Variants in HTR4 observed in about 807,000 individuals in gnomAD.
HTR4 encodes the protein 5-hydroxytryptamine receptor 4.
In HTR4, 16 loss-of-function variants were observed where a neutral mutation model predicts 36.8. The observed-to-expected ratio is 0.43, with a 90% CI of 0.29 to 0.66. The LOEUF is 0.66. Ranked by LOEUF, HTR4 falls within the 30% of genes least tolerant of loss-of-function variation. The probability of loss-of-function intolerance (pLI) is 0.13; values close to 1 mark genes in which losing one functional copy is unlikely to be tolerated. For synonymous variants in HTR4, 189 were observed against 185.1 expected, an observed-to-expected ratio of 1.02 and a Z score of -0.17; for missense variants, 438 against 490.9, an observed-to-expected ratio of 0.89 and a Z score of 1.02.
intron 6 of HTR4, chr5:148,490,882 A>T (rs1371243757): frequency 4.3e-6 from 2 of 464,550 alleles, no homozygotes; most frequent in African/African-American, 4.0e-5. Flanking sequence ...ATGACCTAAA[A>T]CCTCTTTGCT....
At chr5:148,595,819 C>T (rs1318828571) in intron 2 of HTR4, among the ~76,000 whole-genome samples, 1 of 152,032 alleles carries the variant, frequency 6.6e-6, no homozygotes, top group African/African-American at 2.4e-5. Context: ...TGATGCAACC[C>T]ATTTATAAGG....
At chr5:148,576,995 G>T (rs1298862248) in intron 2 of HTR4, among the ~76,000 whole-genome samples, 1 of 152,016 alleles carries the variant, frequency 6.6e-6, no homozygotes, top group East Asian at 1.9e-4. Context: ...AAGAGCTTCT[G>T]CACAACAATG....
chr5:148,460,103 A>T (rs1381966551), intron 5 of HTR4, among the ~76,000 whole-genome samples: 3 of 151,970 alleles, frequency 2.0e-5, no homozygotes, highest in South Asian at 4.1e-4. Context: ...AATTGAAAAT[A>T]AAAAAAAGAC....
rs563755210 is a variant in HTR4 at position 148,628,195 on chromosome 5, T to C, written c.26+8794A>G. Among the ~76,000 whole-genome samples the C allele has an allele frequency of 2.0e-5, 3 of 152,338 alleles. No individual in the cohort carries two copies. The South Asian group carries it at 6.2e-4, about 32-fold the overall frequency. ...ATCAAATGATAGACCTTTTGCCACA[T>C]AGAAATCTTTAGAAAAGCAAACCAT... On this transcript the variant is annotated intron_variant, in intron 2 of 6. Transcript: ENST00000377888.
intron 6 of HTR4, among the ~76,000 whole-genome samples, chr5:148,502,516 A>AC (rs201910786): frequency 0.016 from 2,400 of 152,288 alleles, 34 homozygotes; most frequent in Middle Eastern, 0.048. Flanking sequence ...ATGATCAAAG[A>AC]CAAAGGTAGA....
At chr5:148,503,613 T>G (rs937647638) in intron 6 of HTR4, among the ~76,000 whole-genome samples, 1 of 152,184 alleles carries the variant, frequency 6.6e-6, no homozygotes, top group Non-Finnish European at 1.5e-5. Context: ...GCTAACATCA[T>G]AATGACAGGA....
chr5:148,520,985 A>AGTAAGGG (rs1757986301), intron 5 of HTR4: 6 of 1,367,568 alleles, frequency 4.4e-6, no homozygotes, highest in Non-Finnish European at 5.9e-6. Context: ...ACAAGGCAGG[A>AGTAAGGG]CTAAGGGCTA....
intron 2 of HTR4, among the ~76,000 whole-genome samples, chr5:148,574,238 A>G (rs1231366624): frequency 1.3e-5 from 2 of 152,106 alleles, no homozygotes; most frequent in Non-Finnish European, 2.9e-5. Flanking sequence ...GCACTTGACT[A>G]TCAGCCTCCC....
intron 2 of HTR4, among the ~76,000 whole-genome samples, chr5:148,555,232 C>T (rs1759892467): frequency 6.6e-6 from 1 of 152,064 alleles, no homozygotes; most frequent in South Asian, 2.1e-4. Flanking sequence ...AACACCACCA[C>T]CACCATAAGA....
At chr5:148,537,306 C>T (rs1758873124) in intron 4 of HTR4, among the ~76,000 whole-genome samples, 1 of 151,904 alleles carries the variant, frequency 6.6e-6, no homozygotes, top group Non-Finnish European at 1.5e-5. Flanking sequence ...AAATGAACAA[C>T]CTGACATCAC....
intron 2 of HTR4, among the ~76,000 whole-genome samples, chr5:148,635,164 C>T (rs1195081303): frequency 6.6e-6 from 1 of 152,020 alleles, no homozygotes; most frequent in Non-Finnish European, 1.5e-5. Context: ...AAGGAGGTAA[C>T]CTCAAAATAA....
intron 2 of HTR4, among the ~76,000 whole-genome samples, chr5:148,624,683 G>A (rs1015269311): frequency 1.3e-5 from 2 of 152,080 alleles, no homozygotes; most frequent in African/African-American, 2.4e-5. Context: ...TCCAAATCCC[G>A]TAGCCTCAGA....
intron 2 of HTR4, among the ~76,000 whole-genome samples, chr5:148,558,933 C>T (rs1479456534): frequency 1.3e-5 from 2 of 152,190 alleles, no homozygotes; most frequent in Admixed American, 1.3e-4. Flanking sequence ...CCAGTAAACC[C>T]ATTGTAAGTT....
intron 2 of HTR4, 62 bp downstream of exon 2, chr5:148,636,925 TTA>T: frequency 9.6e-7 from 1 of 1,041,388 alleles, no homozygotes; most frequent in South Asian, 1.4e-5. Flanking sequence ...CAACAGATTT[TTA>T]GAGTCTTCAT....
intron 2 of HTR4, among the ~76,000 whole-genome samples, chr5:148,601,404 A>G (rs2127269154): frequency 6.6e-6 from 1 of 152,316 alleles, no homozygotes; most frequent in East Asian, 1.9e-4. Flanking sequence ...TCACCGCAGC[A>G]TTTTTCATAA....
intron 6 of HTR4, among the ~76,000 whole-genome samples, chr5:148,489,284 C>T (rs1756302526): frequency 6.6e-6 from 1 of 152,074 alleles, no homozygotes; most frequent in East Asian, 1.9e-4. Flanking sequence ...GGAATGAATC[C>T]TAGTAACTTT....
At chr5:148,571,188 T>C (rs1760660539) in intron 2 of HTR4, among the ~76,000 whole-genome samples, 2 of 152,166 alleles carry the variant, frequency 1.3e-5, no homozygotes, top group African/African-American at 2.4e-5. Flanking sequence ...TAACTCCTTT[T>C]ACTTATAAAT....
intron 1 of HTR4, among the ~76,000 whole-genome samples, chr5:148,643,068 T>A (rs1020587268): frequency 6.6e-6 from 1 of 152,314 alleles, no homozygotes; most frequent in Non-Finnish European, 1.5e-5. Context: ...AAATAAAAAG[T>A]TTATAGCCAT....
At chr5:148,481,541 TTTTTC>T, downstream of HTR4, 2 of 1,525,744 alleles carry the variant, frequency 1.3e-6, no homozygotes, top group Admixed American at 2.0e-5. Flanking sequence ...GAGGCTTTTT[TTTTTC>T]TTTTTCTTTT....
Sources: allele counts gnomAD v4.1 joint callset (sites outside exome capture counted in the v4.1 genomes callset), GRCh38; gene constraint gnomAD v4.1.1; transcripts MANE v1.5; gene names NCBI Gene and HGNC (gene_info 2026-07-23, HGNC 2026-07-21).